Variants in CAPN5 observed in about 807,000 individuals in gnomAD.
CAPN5 encodes calpain-5.
In CAPN5, 54 loss-of-function variants were observed where a neutral mutation model predicts 73.0. That is an observed-to-expected ratio of 0.74 (90% CI 0.59 to 0.93). The LOEUF (loss-of-function observed/expected upper bound fraction) is 0.93, where lower values mean the gene tolerates loss of function less well. CAPN5 is among the 40% of genes least tolerant of loss of function. The probability of loss-of-function intolerance (pLI) is 0.00; values close to 1 mark genes in which losing one functional copy is unlikely to be tolerated. For missense variants in CAPN5, 785 were observed against 882.9 expected (o/e 0.89, Z 1.41); for synonymous variants, 335 against 356.9 (o/e 0.94, Z 0.69).
chr11:77,082,485 C>T (rs782435030), intron 1 of CAPN5, among the ~76,000 whole-genome samples: 1 of 152,208 alleles, frequency 6.6e-6, no homozygotes, highest in African/African-American at 2.4e-5. Flanking sequence ...CTGACCCTGT[C>T]GGGGTGTTGG....
intron 4 of CAPN5, among the ~76,000 whole-genome samples, chr11:77,113,974 A>G (rs1466635942): frequency 6.7e-6 from 1 of 149,662 alleles, no homozygotes; most frequent in Non-Finnish European, 1.5e-5. Flanking sequence ...CCCCCTGACC[A>G]TTGTTGGCAC....
chr11:77,070,816 C>T (rs1478105398), intron 1 of CAPN5, among the ~76,000 whole-genome samples: 2 of 152,154 alleles, frequency 1.3e-5, no homozygotes, highest in South Asian at 2.1e-4. Flanking sequence ...TTCCAGCCTC[C>T]GGTGGCTGCT....
chr11:77,069,768 G>C (rs143364459), intron 1 of CAPN5, among the ~76,000 whole-genome samples: 1 of 152,260 alleles, frequency 6.6e-6, no homozygotes, highest in African/African-American at 2.4e-5. Context: ...GCCCCTCCCA[G>C]GCACCTCTCA....
In CAPN5 at chr11:77,085,029, C is replaced by T. The variant is rs1451898866; in HGVS notation, c.143C>T (p.Ala48Val). The T allele has an allele frequency of 1.2e-5, 19 of 1,613,484 alleles. No homozygotes were observed. The highest frequency in any genetic ancestry group is 6.7e-5 in the East Asian group (3 of 44,894). ...SLYYKGTPGP[A>V]VRWKRPKGIC... is the part of the protein sequence containing the mutation. ...TACTATAAGGGCACGCCGGGGCCCG[C>T]CGTCAGGTGGAAGCGACCCAAGGTC... Residue 48 changes from alanine (A) to valine (V), a missense_variant, in exon 2 of 13, where the codon GCC (alanine) becomes GTC (valine). Physicochemically the swap from Ala to Val is moderately conservative, Grantham distance 64 (BLOSUM62 0). Coordinates refer to ENST00000648180, the MANE Select transcript of CAPN5 (RefSeq NM_004055.5).
chr11:77,120,969 C>A, intron 10 of CAPN5, 60 bp downstream of exon 10: 1 of 1,479,208 alleles, frequency 6.8e-7, no homozygotes, highest in South Asian at 1.3e-5. Flanking sequence ...CTGGGCCAAC[C>A]AGGAACCTGC....
intron 3 of CAPN5, 151 bp downstream of exon 3, chr11:77,093,964 C>A: frequency 9.0e-7 from 1 of 1,106,912 alleles, no homozygotes; most frequent in Non-Finnish European, 1.3e-6. Flanking sequence ...ACTGGCCGAG[C>A]GTCGGAATTG....
At chr11:77,113,789 T>C (rs1950436162) in intron 4 of CAPN5, among the ~76,000 whole-genome samples, 1 of 151,538 alleles carries the variant, frequency 6.6e-6, no homozygotes, top group Non-Finnish European at 1.5e-5. Context: ...CACAGTTTCA[T>C]TGTGGTAAAA....
At chr11:77,121,913 T>G in intron 10 of CAPN5, 21 bp from the exon 11 acceptor site, 2 of 1,434,858 alleles carry the variant, frequency 1.4e-6, no homozygotes, top group Non-Finnish European at 1.9e-6. Flanking sequence ...CACTCCCCTC[T>G]CCCCTGCCGC....
At chr11:77,077,610 A>G (rs1292628331) in intron 1 of CAPN5, among the ~76,000 whole-genome samples, 2 of 150,682 alleles carry the variant, frequency 1.3e-5, no homozygotes, top group Non-Finnish European at 3.0e-5. Flanking sequence ...GCTCACTGCA[A>G]CCTCCACCTC....
At chr11:77,104,602 C>T (rs1244902093) in intron 3 of CAPN5, among the ~76,000 whole-genome samples, 1 of 152,246 alleles carries the variant, frequency 6.6e-6, no homozygotes, top group African/African-American at 2.4e-5. Flanking sequence ...TTCCCCTTCG[C>T]ATTGCGCAGT....
chr11:77,098,506 AC>A (rs1950241134), intron 3 of CAPN5, among the ~76,000 whole-genome samples: 1 of 71,768 alleles, frequency 1.4e-5, no homozygotes, highest in Admixed American at 1.5e-4. Flanking sequence ...CGGAGGGCTG[AC>A]CCCCCCACCT....
intron 2 of CAPN5, among the ~76,000 whole-genome samples, chr11:77,088,517 A>G (rs1460008461): frequency 6.6e-6 from 1 of 151,814 alleles, no homozygotes; most frequent in Non-Finnish European, 1.5e-5. Flanking sequence ...AGAAGGAGGT[A>G]GGGCTGGGGG....
chr11:77,105,844 T>C (rs1382662239), intron 3 of CAPN5, among the ~76,000 whole-genome samples: 2 of 152,250 alleles, frequency 1.3e-5, no homozygotes, highest in Non-Finnish European at 1.5e-5. Flanking sequence ...TCATCACCAC[T>C]CTGAAGCGCA....
In CAPN5 at chr11:77,123,814, C is replaced by G. The variant is rs139133645; in HGVS notation, c.1867C>G (p.Leu623Val). The change falls in exon 13 of 13, where the codon CTG becomes GTG. Residue 623 changes from leucine to valine, a missense_variant. Transcript: ENST00000648180. ...CCGAAATAGCCGGCAGCCCAGCAAC[C>G]TGCCAGGCACTGTGGCCGTGCACAT... ...RDRNSRQPSN[L>V]PGTVAVHILS... 2 of 1,613,930 alleles carry G rather than the reference C, an allele frequency of 1.2e-6. No individual in the cohort carries two copies. Among genetic ancestry groups the G allele is most frequent in the Non-Finnish European group, 1.7e-6 (2 of 1,180,018 alleles).
In CAPN5 at chr11:77,125,639, T is replaced by TATATATATATATAC. The variant is rs1459199941; in HGVS notation, c.*1770_*1771insTATATATATATACA. ...CTATATATATATATATATATATATA[T>TATATATATATATAC]ACATTCATGTAATCACCACTTCTCG... On this transcript the variant is annotated 3_prime_UTR_variant, in exon 13 of 13. Coordinates refer to ENST00000648180, the MANE Select transcript of CAPN5 (RefSeq NM_004055.5). 2 of 149,872 alleles carry TATATATATATATAC rather than the reference T, an allele frequency of 1.3e-5. No individual in the cohort carries two copies. The highest frequency in any genetic ancestry group is 4.9e-5 in the African/African-American group (2 of 40,518). 9.3% of individuals were successfully genotyped at this position (149,872 alleles called of 1,614,324 possible).
intron 7 of CAPN5, among the ~76,000 whole-genome samples, chr11:77,117,232 T>C (rs782620712): frequency 2.0e-5 from 3 of 152,126 alleles, no homozygotes; most frequent in Non-Finnish European, 4.4e-5. Context: ...CAAGACCCTG[T>C]TTCAAAAACA....
At chr11:77,083,287 TCCATCTGTG>T (rs1950046079) in intron 1 of CAPN5, among the ~76,000 whole-genome samples, 1 of 152,212 alleles carries the variant, frequency 6.6e-6, no homozygotes, top group Admixed American at 6.5e-5. Flanking sequence ...CTCCCTGCTG[TCCATCTGTG>T]CCCATGCTCA....
chr11:77,072,580 G>T (rs61617479), intron 1 of CAPN5, among the ~76,000 whole-genome samples: 21,409 of 152,184 alleles, frequency 0.14, 1,571 homozygotes, highest in Middle Eastern at 0.24. Flanking sequence ...TTTGACATGG[G>T]ACAGGTTCGT....
chr11:77,083,273 T>A (rs1429751246), intron 1 of CAPN5, among the ~76,000 whole-genome samples: 1 of 152,174 alleles, frequency 6.6e-6, no homozygotes, highest in Non-Finnish European at 1.5e-5. Flanking sequence ...ATGGCCCCCT[T>A]GCCCTCCCTG....
Sources: gnomAD v4.1 joint callset for allele counts (sites outside exome capture counted in the v4.1 genomes callset) on GRCh38, gnomAD v4.1.1 for gene constraint, MANE v1.5 for transcripts, NCBI Gene and HGNC (gene_info 2026-07-23, HGNC 2026-07-21) for gene names.